The following TECRL variants were observed in gnomAD, a reference collection of about 807,000 sequenced individuals.
TECRL encodes the protein trans-2,3-enoyl-CoA reductase like.
Under a neutral mutation model 52.8 loss-of-function variants are expected in TECRL, and 63 were observed. The ratio of observed to expected loss-of-function variants is 1.19; its 90% CI spans 0.97 to 1.47. The LOEUF is 1.47. Ranked by LOEUF, TECRL falls within the 40% of genes most tolerant of loss-of-function variation. The pLI, the probability that TECRL is intolerant of heterozygous loss-of-function variation, is 0.00. For missense variants in TECRL, 482 were observed against 429.6 expected (o/e 1.12, Z -1.08); for synonymous variants, 164 against 141.9 (o/e 1.16, Z -1.10).
intron 2 of TECRL, among the ~76,000 whole-genome samples, chr4:64,363,014 A>G (rs13114308): frequency 0.74 from 94,288 of 127,136 alleles, 31,614 homozygotes; most frequent in Non-Finnish European, 0.79. Context: ...TCAGGCACAT[A>G]AAAAAAAAAA....
intron 2 of TECRL, among the ~76,000 whole-genome samples, chr4:64,370,923 TTGATA>T (rs903419181): frequency 6.6e-6 from 1 of 151,896 alleles, no homozygotes; most frequent in Admixed American, 6.6e-5. Context: ...AAAATATGTT[TTGATA>T]TAATTTTGAA....
intron 2 of TECRL, among the ~76,000 whole-genome samples, chr4:64,374,348 T>C (rs1722223163): frequency 6.6e-6 from 1 of 151,588 alleles, no homozygotes; most frequent in Admixed American, 6.6e-5. Context: ...TTCTTTTTTT[T>C]CTTTATGGGA....
intron 1 of TECRL, among the ~76,000 whole-genome samples, chr4:64,406,163 C>T (rs75403239): frequency 0.62 from 92,576 of 148,880 alleles, 30,642 homozygotes; most frequent in Non-Finnish European, 0.74. Flanking sequence ...CGCGCGCGCG[C>T]GCGTGTGTGT....
At chr4:64,391,269 T>C (rs1723527602) in intron 1 of TECRL, among the ~76,000 whole-genome samples, 1 of 151,856 alleles carries the variant, frequency 6.6e-6, no homozygotes, top group Non-Finnish European at 1.5e-5. Context: ...AAATAGCTTA[T>C]GTTTTGTCAA....
In TECRL at chr4:64,278,218, T is replaced by G. The variant is rs1722644519; in HGVS notation, c.*1854A>C. The G allele has an allele frequency of 6.6e-6, 1 of 151,734 alleles. No individual in the cohort carries two copies. The highest frequency in any genetic ancestry group is 1.5e-5 in the Non-Finnish European group (1 of 67,760). 9.4% of individuals were successfully genotyped at this position (151,734 alleles called of 1,614,324 possible). On this transcript the variant is annotated 3_prime_UTR_variant, in exon 12 of 12. Transcript: ENST00000381210. ...TAATCTACAGAAAATATTTTAATTG[T>G]AAATTTCAGTATGATAACATACAAT...
rs1722741487 is a variant in TECRL, at chr4:64,280,090, C to A, written c.1074G>T (p.Met358Ile). The A allele has an allele frequency of 1.3e-6, 2 of 1,593,688 alleles. No homozygotes were observed. The highest frequency in any genetic ancestry group is 1.1e-5 in the South Asian group (1 of 87,026). Residue 358 changes from methionine (M) to isoleucine (I), a missense_variant, in exon 12 of 12, where the codon ATG becomes ATT. By Grantham distance (10) the Met-to-Ile change is conservative. Transcript: ENST00000381210. ...TCTTTTTTTACAATATGAATGGAAT[C>A]ATTGCTGATTTTCTATGAATATATG... The part of the protein sequence containing the change: ...FNSYIHRKSA[M>I]IPFIL
At chr4:64,383,394 G>T (rs373960491) in intron 1 of TECRL, among the ~76,000 whole-genome samples, 180 of 151,866 alleles carry the variant, frequency 1.2e-3, no homozygotes, top group African/African-American at 4.1e-3. Flanking sequence ...CTCAAATTTT[G>T]AATATTTGGT....
At chr4:64,340,321 C>T (rs1419443834) in intron 2 of TECRL, among the ~76,000 whole-genome samples, 5 of 152,206 alleles carry the variant, frequency 3.3e-5, no homozygotes, top group Admixed American at 1.3e-4. Flanking sequence ...GCTGCAGCCA[C>T]CCAAATCATG....
chr4:64,312,766 C>CAAAA lies in TECRL; in HGVS notation c.551+1878_551+1881dup, dbSNP rs5858874. ...TGGGCTACAGAGCAAGACCCTCTCT[C>CAAAA]AAAAAAAAAAAAAATGTAAATATGA... On this transcript the variant is annotated intron_variant, in intron 5 of 11. Transcript: ENST00000381210. 5.5e-3 allele frequency among the ~76,000 whole-genome samples: 791 copies of CAAAA among 143,678 alleles called. 3 individuals are homozygous for CAAAA. The highest frequency in any genetic ancestry group is 0.019 in the African/African-American group (755 of 38,728). 94.3% of individuals were successfully genotyped at this position (143,678 alleles called of 152,430 possible).
intron 8 of TECRL, among the ~76,000 whole-genome samples, chr4:64,293,967 CATATATATATATAAAAT>C (rs1560476273): frequency 6.8e-6 from 1 of 146,940 alleles, no homozygotes; most frequent in Non-Finnish European, 1.5e-5. Flanking sequence ...GCAGGTGCTA[CATATATATATATAAAAT>C]ATATATATAT....
chr4:64,390,392 G>C (rs1454588612), intron 1 of TECRL, among the ~76,000 whole-genome samples: 1 of 151,844 alleles, frequency 6.6e-6, no homozygotes, highest in Non-Finnish European at 1.5e-5. Context: ...TGATTGGCCT[G>C]TGAAATGTAA....
intron 2 of TECRL, among the ~76,000 whole-genome samples, chr4:64,348,411 A>G (rs917255403): frequency 1.3e-5 from 2 of 152,086 alleles, no homozygotes; most frequent in Admixed American, 1.3e-4. Context: ...ACTACAATTC[A>G]AGGCAAGATT....
At chr4:64,376,890 C>T (rs972337247) in intron 1 of TECRL, among the ~76,000 whole-genome samples, 2 of 151,900 alleles carry the variant, frequency 1.3e-5, no homozygotes, top group Non-Finnish European at 1.5e-5. Context: ...ATATAATAAG[C>T]TTTAATTAAC....
intron 1 of TECRL, among the ~76,000 whole-genome samples, chr4:64,406,890 T>C (rs552220403): frequency 9.9e-5 from 15 of 152,078 alleles, no homozygotes; most frequent in African/African-American, 3.6e-4. Context: ...TGAAAGGCAC[T>C]TAATATGATC....
intron 2 of TECRL, among the ~76,000 whole-genome samples, chr4:64,363,078 A>G (rs1721315385): frequency 6.6e-6 from 1 of 152,140 alleles, no homozygotes; most frequent in South Asian, 2.1e-4. Flanking sequence ...AACAACAACT[A>G]TCAAAAAGTA....
At chr4:64,337,832 A>C (rs574030527) in intron 2 of TECRL, among the ~76,000 whole-genome samples, 1 of 152,318 alleles carries the variant, frequency 6.6e-6, no homozygotes, top group East Asian at 1.9e-4. Flanking sequence ...AGGAAGAATC[A>C]ATATCGTGAA....
intron 2 of TECRL, among the ~76,000 whole-genome samples, chr4:64,335,141 A>G (rs1472927820): frequency 9.9e-5 from 15 of 152,168 alleles, no homozygotes; most frequent in Admixed American, 7.9e-4. Context: ...TCCCTGGCCT[A>G]TTAGGAACCT....
At chr4:64,292,666 T>C (rs982637835) in intron 8 of TECRL, among the ~76,000 whole-genome samples, 2 of 152,014 alleles carry the variant, frequency 1.3e-5, no homozygotes, top group Admixed American at 6.6e-5. Flanking sequence ...GTTTACATTT[T>C]CTAAACACAC....
intron 6 of TECRL, among the ~76,000 whole-genome samples, chr4:64,307,365 G>T (rs1432305196): frequency 6.6e-6 from 1 of 152,150 alleles, no homozygotes; most frequent in Non-Finnish European, 1.5e-5. Flanking sequence ...GTGCAGCATA[G>T]GTAAGTGTGA....
Sources: gnomAD v4.1 joint callset for allele counts (sites outside exome capture counted in the v4.1 genomes callset) on GRCh38, gnomAD v4.1.1 for gene constraint, MANE v1.5 for transcripts, NCBI Gene and HGNC (gene_info 2026-07-23, HGNC 2026-07-21) for gene names.